The following PEX5L variants were observed in gnomAD, a reference collection of about 807,000 sequenced individuals.
PEX5L encodes PEX5-related protein.
A neutral mutation model predicts 84.0 loss-of-function variants in PEX5L; 30 were observed. That is an observed-to-expected ratio of 0.36 (90% CI 0.27 to 0.48). The LOEUF is 0.48. PEX5L is among the 20% of genes least tolerant of loss of function. PEX5L has a pLI of 0.99. For synonymous variants in PEX5L, 270 were observed against 283.1 expected, an observed-to-expected ratio of 0.95 and a Z score of 0.46; for missense variants, 533 against 754.6, an observed-to-expected ratio of 0.71 and a Z score of 3.44.
At chr3:179,823,506 T>G (rs1729271345) in intron 8 of PEX5L, among the ~76,000 whole-genome samples, 1 of 152,198 alleles carries the variant, frequency 6.6e-6, no homozygotes, top group South Asian at 2.1e-4. Context: ...TTATTAGTAA[T>G]TTATCCCATC....
At chr3:179,953,540 T>C (rs1037596472) in intron 2 of PEX5L, among the ~76,000 whole-genome samples, 8 of 152,170 alleles carry the variant, frequency 5.3e-5, no homozygotes, top group Admixed American at 3.3e-4. Context: ...GAGGTTTACA[T>C]TGTTCAGTAA....
At chr3:179,818,479 G>C (rs1727049413) in intron 9 of PEX5L, among the ~76,000 whole-genome samples, 1 of 151,880 alleles carries the variant, frequency 6.6e-6, no homozygotes, top group African/African-American at 2.4e-5. Flanking sequence ...ATTTTAAAAG[G>C]TACAATAAAT....
intron 2 of PEX5L, among the ~76,000 whole-genome samples, chr3:179,916,739 G>A (rs1026857524): frequency 2.6e-5 from 4 of 151,950 alleles, no homozygotes; most frequent in Non-Finnish European, 4.4e-5. Context: ...ACATGATCTC[G>A]GCTCACTGCA....
chr3:180,029,919 G>T (rs1470454060), intron 1 of PEX5L, among the ~76,000 whole-genome samples: 2 of 152,212 alleles, frequency 1.3e-5, no homozygotes, highest in Non-Finnish European at 2.9e-5. Context: ...TAACAACCAT[G>T]TGAAGGGAGG....
intron 8 of PEX5L, among the ~76,000 whole-genome samples, chr3:179,823,705 CTG>C (rs1729338915): frequency 6.6e-6 from 1 of 152,134 alleles, no homozygotes; most frequent in Non-Finnish European, 1.5e-5. Flanking sequence ...CATTGATATT[CTG>C]TGTTAGTGGT....
At position 179,875,415 on chromosome 3, in the gene PEX5L, C is replaced by G; in HGVS notation, c.568G>C (p.Gly190Arg). ...GATTTTCTCTCTGCCATTGGATGTC[C>G]CTTGGTATTTCGATCTCCATGAAAC... Reference protein sequence around the residue: ...VKFHGDRNTKGHPMAERKSSS... With the variant: ...VKFHGDRNTKRHPMAERKSSS... Residue 190 changes from glycine (G) to arginine (R), a missense_variant, in exon 6 of 15, where the codon GGA becomes CGA. Coordinates refer to ENST00000467460, the MANE Select transcript of PEX5L (RefSeq NM_016559.3). 1 of 1,612,960 alleles carries G rather than the reference C, an allele frequency of 6.2e-7. No homozygotes were observed.
Position 179,808,275 on chromosome 3 carries a change from T to C in PEX5L, c.1515A>G (p.Pro505=). The change falls in exon 13 of 15, where the codon CCA becomes CCG. Residue 505 remains proline, a synonymous_variant. Coordinates refer to ENST00000467460, the MANE Select transcript of PEX5L (RefSeq NM_016559.3). ...TTGCTGTGCTGTGCTGTCTTACCTC[T>C]GGCCGAACAGTTAAGGCAGCGTTAA... ...DAFNAALTVR[P]EDYSLWNRLG... 1 of 1,567,604 alleles carries C rather than the reference T, an allele frequency of 6.4e-7. No individual in the cohort carries two copies. Among genetic ancestry groups the C allele is most frequent in the African/African-American group, 1.4e-5 (1 of 72,962 alleles).
intron 2 of PEX5L, among the ~76,000 whole-genome samples, chr3:179,954,936 G>A (rs1391796453): frequency 6.6e-6 from 1 of 151,818 alleles, no homozygotes. Context: ...TGGACAGTTA[G>A]GGCATAAAGT....
intron 8 of PEX5L, among the ~76,000 whole-genome samples, chr3:179,834,254 C>G (rs976984781): frequency 1.3e-5 from 2 of 152,226 alleles, no homozygotes; most frequent in African/African-American, 4.8e-5. Flanking sequence ...TCTCATGGAT[C>G]AGATCTGGGC....
At chr3:179,915,424 A>C (rs1766688343) in intron 2 of PEX5L, among the ~76,000 whole-genome samples, 1 of 152,220 alleles carries the variant, frequency 6.6e-6, no homozygotes, top group Non-Finnish European at 1.5e-5. Flanking sequence ...CTTTAATCGA[A>C]CATGCCTTAA....
At chr3:179,853,803 T>C (rs1021535743) in intron 8 of PEX5L, among the ~76,000 whole-genome samples, 6 of 151,642 alleles carry the variant, frequency 4.0e-5, no homozygotes, top group South Asian at 2.1e-4. Context: ...CTTCCTCTTC[T>C]TCTTCTTATT....
At chr3:179,927,673 T>C (rs752186044) in intron 2 of PEX5L, among the ~76,000 whole-genome samples, 5 of 152,192 alleles carry the variant, frequency 3.3e-5, no homozygotes, top group Non-Finnish European at 7.3e-5. Context: ...TTATTTTCTT[T>C]ATAAAATCAT....
intron 2 of PEX5L, among the ~76,000 whole-genome samples, chr3:179,932,826 T>C (rs764901997): frequency 7.2e-5 from 11 of 152,208 alleles, no homozygotes; most frequent in Non-Finnish European, 1.2e-4. Context: ...ATTAAGTTAG[T>C]TAACATATGC....
intron 4 of PEX5L, chr3:179,880,840 A>T (rs755676546): frequency 1.3e-5 from 2 of 152,258 alleles, no homozygotes; most frequent in African/African-American, 2.4e-5. Flanking sequence ...GGCAAATGAG[A>T]ATTAAAAAAG....
intron 2 of PEX5L, among the ~76,000 whole-genome samples, chr3:179,900,303 A>G (rs553675481): frequency 2.6e-5 from 4 of 152,298 alleles, no homozygotes; most frequent in African/African-American, 9.6e-5. Flanking sequence ...AATTCCTATT[A>G]TATTTAAAAT....
At chr3:179,823,438 T>C (rs554248916) in intron 8 of PEX5L, among the ~76,000 whole-genome samples, 96 of 152,268 alleles carry the variant, frequency 6.3e-4, no homozygotes, top group African/African-American at 2.2e-3. Context: ...ACCACAATAA[T>C]GATTTGGGGG....
intron 10 of PEX5L, among the ~76,000 whole-genome samples, chr3:179,812,444 T>G (rs1724244305): frequency 1.3e-5 from 2 of 152,176 alleles, no homozygotes; most frequent in East Asian, 3.9e-4. Flanking sequence ...AGACATAATT[T>G]TATAGTCTAC....
chr3:179,892,918 C>T (rs1473901540), intron 3 of PEX5L, among the ~76,000 whole-genome samples: 3 of 152,118 alleles, frequency 2.0e-5, no homozygotes, highest in African/African-American at 7.2e-5. Flanking sequence ...TCATCACAAT[C>T]CTATTCCCTC....
At chr3:179,989,589 C>G (rs1024967493) in intron 1 of PEX5L, among the ~76,000 whole-genome samples, 2 of 151,994 alleles carry the variant, frequency 1.3e-5, no homozygotes, top group Non-Finnish European at 2.9e-5. Context: ...ATATTTATAT[C>G]TCAATGTAAT....
Sources: allele counts gnomAD v4.1 joint callset (sites outside exome capture counted in the v4.1 genomes callset), GRCh38; gene constraint gnomAD v4.1.1; transcripts MANE v1.5; gene names NCBI Gene and HGNC (gene_info 2026-07-23, HGNC 2026-07-21).